RTN4: variants seen among roughly 807,000 people sequenced by gnomAD.
RTN4 encodes reticulon-4.
A neutral mutation model predicts 90.4 loss-of-function variants in RTN4; 32 were observed. The observed-to-expected ratio is 0.35, with a 90% CI of 0.27 to 0.48. The LOEUF (loss-of-function observed/expected upper bound fraction) is 0.48. RTN4 is among the 20% of genes least tolerant of loss of function. The probability of loss-of-function intolerance (pLI) is 0.99; values close to 1 mark genes in which losing one functional copy is unlikely to be tolerated. For missense variants in RTN4, 1,706 were observed against 1,430.2 expected (o/e 1.19, Z -3.11); for synonymous variants, 629 against 552.5 (o/e 1.14, Z -1.94).
At chr2:55,042,175 A>AC (rs2104944420) in intron 1 of RTN4, among the ~76,000 whole-genome samples, 1 of 152,302 alleles carries the variant, frequency 6.6e-6, no homozygotes, top group South Asian at 2.1e-4. Flanking sequence ...AGGTACCTTA[A>AC]CAGGTTGGTG....
chr2:55,073,819 G>C (rs1374147849), intron 2 of RTN4, among the ~76,000 whole-genome samples: 4 of 152,124 alleles, frequency 2.6e-5, no homozygotes, highest in African/African-American at 9.7e-5. Flanking sequence ...TCACTTAAAG[G>C]CAAAGAGACG....
intron 1 of RTN4, among the ~76,000 whole-genome samples, chr2:55,095,043 G>C (rs1360078658): frequency 2.0e-5 from 3 of 152,182 alleles, no homozygotes; most frequent in East Asian, 3.9e-4. Context: ...CCATAATAAG[G>C]CTGGGCGCGG....
intron 1 of RTN4, among the ~76,000 whole-genome samples, chr2:55,091,843 GA>G (rs67584132): frequency 0.89 from 135,604 of 151,696 alleles, 60,829 homozygotes; most frequent in Middle Eastern, 0.97. Context: ...AGCGGCAAGA[GA>G]AAAATAAAAA....
intron 1 of RTN4, among the ~76,000 whole-genome samples, chr2:55,047,834 T>C (rs1449525671): frequency 6.6e-6 from 1 of 152,118 alleles, no homozygotes; most frequent in Admixed American, 6.5e-5. Flanking sequence ...AAAACGGCAA[T>C]AAAACAACGT....
intron 2 of RTN4, 99 bp from the exon 3 acceptor site, chr2:55,027,584 C>G: frequency 1.6e-6 from 2 of 1,218,076 alleles, no homozygotes; most frequent in Non-Finnish European, 2.3e-6. Flanking sequence ...TAAAGACTTA[C>G]TGTTTACTAA....
chr2:55,056,268 G>T (rs768497034), intron 2 of RTN4, among the ~76,000 whole-genome samples: 2 of 151,914 alleles, frequency 1.3e-5, no homozygotes, highest in Non-Finnish European at 2.9e-5. Context: ...CCCTCCCCTC[G>T]TGATAGTCAC....
chr2:55,095,416 A>T (rs1669013836), intron 1 of RTN4, among the ~76,000 whole-genome samples: 1 of 152,176 alleles, frequency 6.6e-6, no homozygotes, highest in South Asian at 2.1e-4. Context: ...AAATAATTTT[A>T]AAAATTAACA....
At chr2:55,046,172 C>T (rs1036085513) in intron 1 of RTN4, among the ~76,000 whole-genome samples, 1 of 152,240 alleles carries the variant, frequency 6.6e-6, no homozygotes, top group Non-Finnish European at 1.5e-5. Flanking sequence ...ATGCTTCTAA[C>T]CCTGCTCTGC....
chr2:55,036,599 CAAAAA>C (rs71410411), intron 1 of RTN4, among the ~76,000 whole-genome samples: 2 of 72,994 alleles, frequency 2.7e-5, no homozygotes, highest in South Asian at 4.8e-4. Flanking sequence ...AAGACTGTCT[CAAAAA>C]AAAAAAAAAA....
intron 1 of RTN4, among the ~76,000 whole-genome samples, chr2:55,096,306 A>G (rs532037648): frequency 2.6e-5 from 4 of 151,924 alleles, no homozygotes; most frequent in Non-Finnish European, 5.9e-5. Flanking sequence ...AGCCTGGGCA[A>G]CAAGAGCAAA....
chr2:55,042,732 T>C (rs999155971), intron 1 of RTN4, among the ~76,000 whole-genome samples: 1 of 152,192 alleles, frequency 6.6e-6, no homozygotes. Context: ...CTATACAGAA[T>C]ATGAAGATCA....
intron 2 of RTN4, among the ~76,000 whole-genome samples, chr2:55,059,339 A>G (rs1668248460): frequency 6.6e-6 from 1 of 151,348 alleles, no homozygotes; most frequent in African/African-American, 2.4e-5. Flanking sequence ...CTTAATACAT[A>G]TAGTAGAAAT....
chr2:55,006,104 A>G (rs1438880123), intron 3 of RTN4, among the ~76,000 whole-genome samples: 4 of 152,166 alleles, frequency 2.6e-5, no homozygotes, highest in Non-Finnish European at 5.9e-5. Flanking sequence ...ACTACAGAAT[A>G]AAATATACCA....
chr2:55,119,922 C>T, the RTN4 span, among the ~76,000 whole-genome samples: 1 of 152,232 alleles, frequency 6.6e-6, no homozygotes, highest in Non-Finnish European at 1.5e-5. Context: ...CAGCTGCTCA[C>T]CAGCCTCAGA....
chr2:55,059,169 A>T (rs924465721), intron 2 of RTN4, among the ~76,000 whole-genome samples: 6 of 152,114 alleles, frequency 3.9e-5, no homozygotes, highest in Non-Finnish European at 5.9e-5. Flanking sequence ...TTTCAGGAAT[A>T]AGTGAAATTT....
intron 2 of RTN4, among the ~76,000 whole-genome samples, chr2:55,058,111 C>T (rs772317587): frequency 6.6e-6 from 1 of 152,006 alleles, no homozygotes; most frequent in African/African-American, 2.4e-5. Context: ...CTGGAGAGGC[C>T]TCAGGGACTG....
chr2:55,076,500 A>G (rs1668603111), intron 2 of RTN4, among the ~76,000 whole-genome samples: 1 of 138,404 alleles, frequency 7.2e-6, no homozygotes, highest in African/African-American at 2.8e-5. Context: ...CCCAGGTTCT[A>G]GTGATTTTCC....
At chr2:55,133,266 A>T in the RTN4 span, among the ~76,000 whole-genome samples, 1 of 152,332 alleles carries the variant, frequency 6.6e-6, no homozygotes, top group Admixed American at 6.5e-5. Context: ...GTATATTTAT[A>T]TATGGGGTTC....
chr2:55,052,492 C>T (rs73936818), upstream of RTN4, among the ~76,000 whole-genome samples: 13,534 of 152,146 alleles, frequency 0.089, 740 homozygotes, highest in South Asian at 0.18. Context: ...ATTAATTCCA[C>T]GGAGAACTGG....
Sources: gnomAD v4.1 joint callset for allele counts (sites outside exome capture counted in the v4.1 genomes callset) on GRCh38, gnomAD v4.1.1 for gene constraint, MANE v1.5 for transcripts, NCBI Gene and HGNC (gene_info 2026-07-23, HGNC 2026-07-21) for gene names.